DNAH10: variants seen among roughly 807,000 people sequenced by gnomAD.
The protein encoded by DNAH10 is axonemal beta dynein heavy chain 10.
Under a neutral mutation model 506.6 loss-of-function variants are expected in DNAH10, and 348 were observed. That is an observed-to-expected ratio of 0.69 (90% CI 0.63 to 0.75). The LOEUF (loss-of-function observed/expected upper bound fraction) is 0.75, where lower values mean the gene tolerates loss of function less well. Ranked by LOEUF, DNAH10 falls within the 30% of genes least tolerant of loss-of-function variation. DNAH10 has a pLI of 0.00. For synonymous variants in DNAH10, 2,059 were observed against 2,198.6 expected, an observed-to-expected ratio of 0.94 and a Z score of 1.78; for missense variants, 5,179 against 5,787.1, an observed-to-expected ratio of 0.89 and a Z score of 3.41.
intron 17 of DNAH10, among the ~76,000 whole-genome samples, chr12:123,804,341 C>T (rs534674342): frequency 8.6e-4 from 130 of 151,970 alleles, no homozygotes; most frequent in African/African-American, 2.8e-3. Flanking sequence ...CTGGCTAACA[C>T]GGTGAAACCC....
intron 59 of DNAH10, among the ~76,000 whole-genome samples, 188 bp from the exon 60 acceptor site, chr12:123,912,910 A>C (rs1207177507): frequency 6.6e-6 from 1 of 152,218 alleles, no homozygotes; most frequent in Non-Finnish European, 1.5e-5. Context: ...CTAATGGGAC[A>C]TGGAGTTTTT....
chr12:123,783,377 G>A, intron 7 of DNAH10, 113 bp downstream of exon 7: 1 of 1,308,226 alleles, frequency 7.6e-7, no homozygotes, highest in Non-Finnish European at 1.1e-6. Flanking sequence ...ACTGTTTTAT[G>A]ACTTCCTTAA....
At chr12:123,874,157 G>C (rs78976746) in intron 46 of DNAH10, among the ~76,000 whole-genome samples, 1 of 152,006 alleles carries the variant, frequency 6.6e-6, no homozygotes, top group Admixed American at 6.6e-5. Context: ...CCTGAGAAGT[G>C]CAAAGTTTTC....
At chr12:123,818,659 A>C (rs1565943992) in intron 21 of DNAH10, among the ~76,000 whole-genome samples, 1 of 151,612 alleles carries the variant, frequency 6.6e-6, no homozygotes, top group Non-Finnish European at 1.5e-5. Flanking sequence ...TTCTTTTTAT[A>C]TTTACAGAGA....
intron 1 of DNAH10, among the ~76,000 whole-genome samples, chr12:123,765,597 T>TATCTATAC (rs953610966): frequency 2.6e-5 from 4 of 151,172 alleles, no homozygotes; most frequent in Admixed American, 6.6e-5. Flanking sequence ...TCTATCTATC[T>TATCTATAC]ATACATACCT....
At position 123,935,667 on chromosome 12, in the gene DNAH10, A is replaced by G. The variant is rs1369768765; in HGVS notation, c.*186A>G. The G allele has an allele frequency of 9.4e-6, 5 of 530,086 alleles. No homozygotes were observed. Among genetic ancestry groups the G allele is most frequent in the African/African-American group, 1.9e-5 (1 of 53,082 alleles). 32.8% of individuals were successfully genotyped at this position (530,086 alleles called of 1,614,324 possible). On this transcript the variant is annotated 3_prime_UTR_variant, in exon 79 of 79. Coordinates refer to ENST00000673944, the MANE Select transcript of DNAH10 (RefSeq NM_001372106.1). ...CCTGAATGGTTTTGTTTTTAATACT[A>G]CTTTTTAAAAGGAATTTATATAATC...
chr12:123,917,819 A>G lies in DNAH10; in HGVS notation c.11232+6A>G, dbSNP rs1367221969. 2 of 1,563,938 alleles carry G rather than the reference A, an allele frequency of 1.3e-6. No individual in the cohort carries two copies. The highest frequency in any genetic ancestry group is 1.4e-5 in the African/African-American group (1 of 73,620). On this transcript the variant is annotated splice_donor_region_variant and intron_variant, in intron 64 of 78. Transcript: ENST00000673944. This position sits in a 1 kb window ranked among gnomAD's most constrained non-coding sequence, Gnocchi z 5.6. Reference sequence around the variant, plus strand: ...CCAAATCCAAGGCAACAGAGGTAGCAACCACAGTGGAAGAGGCCGTGAGTC... The same window carrying G: ...CCAAATCCAAGGCAACAGAGGTAGCGACCACAGTGGAAGAGGCCGTGAGTC...
rs564514208 is a variant in DNAH10 at position 123,831,212 on chromosome 12, T to C, written c.4545+513T>C. On this transcript the variant is annotated intron_variant, in intron 26 of 78. Transcript: ENST00000673944. ...CATAATCCCACTACCTGAAAATAAT[T>C]ATTAACTTTTTAGTGTATTTCTTTG... 2.1e-5 allele frequency among the ~76,000 whole-genome samples: 3 copies of C among 145,970 alleles called. No individual in the cohort carries two copies. The East Asian group carries it at 5.8e-4, about 28-fold the overall frequency.
intron 11 of DNAH10, among the ~76,000 whole-genome samples, 173 bp downstream of exon 11, chr12:123,790,294 C>T (rs1360900435): frequency 6.6e-6 from 1 of 152,066 alleles, no homozygotes; most frequent in Non-Finnish European, 1.5e-5. Context: ...TAAAAATGAA[C>T]ATTCCTCCAT....
At position 123,848,051 on chromosome 12, in the gene DNAH10, T is replaced by TTGC. The variant is rs1313823471; in HGVS notation, c.5907_5909dup (p.Leu1970dup). 6.2e-7 allele frequency: 1 copy of TTGC among 1,613,968 alleles called. No homozygotes were observed. Among genetic ancestry groups the TTGC allele is most frequent in the Non-Finnish European group, 8.5e-7 (1 of 1,179,862 alleles). On this transcript the variant is annotated inframe_insertion, in exon 33 of 79. Coordinates refer to ENST00000673944, the MANE Select transcript of DNAH10 (RefSeq NM_001372106.1). ...CAAGGACCTGGCGAAAGCCTTGGGC[T>TTGC]TGCTCTGTGTTGTCACCAACTGTGG...
At chr12:123,875,196 C>T in intron 46 of DNAH10, 35 bp from the exon 47 acceptor site, 1 of 1,577,596 alleles carries the variant, frequency 6.3e-7, no homozygotes, top group Non-Finnish European at 8.6e-7. Flanking sequence ...CTTTGCGATA[C>T]TACTGTTCTC....
At chr12:123,835,293 G>C in intron 27 of DNAH10, 113 bp from the exon 28 acceptor site, 1 of 1,245,258 alleles carries the variant, frequency 8.0e-7, no homozygotes, top group Non-Finnish European at 1.1e-6. Context: ...TGCCTGGAAG[G>C]TCCTCCCACC....
chr12:123,924,504 C>T, intron 67 of DNAH10, 72 bp downstream of exon 67: 3 of 1,561,228 alleles, frequency 1.9e-6, no homozygotes, highest in Non-Finnish European at 1.7e-6. Flanking sequence ...AACTGTGGCC[C>T]AACCCCTTAA....
chr12:123,830,492 A>G lies in DNAH10; in HGVS notation c.4392-54A>G, dbSNP rs567128418. 9.2e-6 allele frequency: 14 copies of G among 1,523,178 alleles called. No individual in the cohort carries two copies. The South Asian group carries it at 1.8e-4, about 20-fold the overall frequency. 94.4% of individuals were successfully genotyped at this position (1,523,178 alleles called of 1,614,324 possible). On this transcript the variant is annotated intron_variant, in intron 25 of 78. Transcript: ENST00000673944. ...CCTGTGATTTAAATGGGAGTAATTGAACTCCTCACTAAATTCAGTAAGCAT... is the reference window on the plus strand; with the variant it reads ...CCTGTGATTTAAATGGGAGTAATTGGACTCCTCACTAAATTCAGTAAGCAT...
chr12:123,923,257 T>C (rs1954807228), intron 65 of DNAH10: 1 of 152,434 alleles, frequency 6.6e-6, no homozygotes, highest in Non-Finnish European at 1.5e-5. Context: ...GCCATATCCA[T>C]TTGTATACAT....
intron 2 of DNAH10, among the ~76,000 whole-genome samples, chr12:123,767,948 C>G (rs1436934533): frequency 6.6e-6 from 1 of 152,192 alleles, no homozygotes; most frequent in African/African-American, 2.4e-5. Flanking sequence ...AATCAAGGTG[C>G]TGGCAGGGCT....
chr12:123,834,529 T>C (rs2136538450), intron 27 of DNAH10, among the ~76,000 whole-genome samples: 1 of 152,272 alleles, frequency 6.6e-6, no homozygotes, highest in East Asian at 1.9e-4. Flanking sequence ...TCTATTGAGG[T>C]AAAATTTAAA....
intron 30 of DNAH10, among the ~76,000 whole-genome samples, chr12:123,841,970 G>C (rs1950790958): frequency 6.6e-6 from 1 of 152,218 alleles, no homozygotes; most frequent in African/African-American, 2.4e-5. Context: ...ACAGGTGTGA[G>C]CCACTGAGCC....
Position 123,934,661 on chromosome 12 carries a change from G to A in DNAH10, c.13518G>A (p.Trp4506Ter). The A allele has an allele frequency of 6.2e-7, 1 of 1,613,682 alleles. No homozygotes were observed. Among genetic ancestry groups the A allele is most frequent in the Non-Finnish European group, 8.5e-7 (1 of 1,179,770 alleles). The change falls in exon 78 of 79, where the codon TGG becomes TGA. Residue 4506 changes from tryptophan to a stop codon, truncating the protein, a stop_gained. Coordinates refer to ENST00000673944, the MANE Select transcript of DNAH10 (RefSeq NM_001372106.1). LOFTEE classifies it high-confidence loss of function. Reference sequence around the variant, plus strand: ...GACTGTACCTGGAAGGTGCTGACTGGGATATAGAAAAAGGATGTCTTATCA... The same window carrying A: ...GACTGTACCTGGAAGGTGCTGACTGAGATATAGAAAAAGGATGTCTTATCA... ...VSGLYLEGADWDIEKGCLIKS... is the reference protein window; with the variant it reads ...VSGLYLEGAD
Sources: allele counts gnomAD v4.1 joint callset (sites outside exome capture counted in the v4.1 genomes callset), GRCh38; gene constraint gnomAD v4.1.1; non-coding constraint Gnocchi (gnomAD v3.1); transcripts MANE v1.5; gene names NCBI Gene and HGNC (gene_info 2026-07-23, HGNC 2026-07-21).